The following MTA3 variants were observed in gnomAD, a reference collection of about 807,000 sequenced individuals.
MTA3 encodes metastasis associated 1 family member 3.
A neutral mutation model predicts 83.5 loss-of-function variants in MTA3; 34 were observed. The ratio of observed to expected loss-of-function variants is 0.41; its 90% CI spans 0.31 to 0.54. The LOEUF (loss-of-function observed/expected upper bound fraction) is 0.54, where lower values mean the gene tolerates loss of function less well. Ranked by LOEUF, MTA3 falls within the 20% of genes least tolerant of loss-of-function variation. MTA3 has a pLI of 0.33. For missense variants in MTA3, 761 were observed against 726.4 expected (o/e 1.05, Z -0.55); for synonymous variants, 303 against 252.7 (o/e 1.20, Z -1.89).
rs928673421 is a variant in MTA3, at chr2:42,539,493, C to G, written c.-140-30944C>G. Among the ~76,000 whole-genome samples, 8 of 151,950 alleles carry G rather than the reference C, an allele frequency of 5.3e-5. No individual in the cohort carries two copies. The East Asian group carries it at 1.4e-3, about 26-fold the overall frequency. ...TTAAATCACCTCCCACCAGGTCCCT[C>G]TCACCACATGCGGGGATTATGGGAC... On this transcript the variant is annotated intron_variant, in intron 2 of 17. Transcript: ENST00000405592.
At chr2:42,506,615 CTTATTA>C (rs869027492) in intron 2 of MTA3, among the ~76,000 whole-genome samples, 3 of 129,116 alleles carry the variant, frequency 2.3e-5, no homozygotes, top group East Asian at 2.1e-4. Flanking sequence ...AGATAATTTA[CTTATTA>C]TTATTATTTA....
At chr2:42,678,004 T>C (rs1247601706) in intron 8 of MTA3, among the ~76,000 whole-genome samples, 1 of 152,204 alleles carries the variant, frequency 6.6e-6, no homozygotes, top group East Asian at 1.9e-4. Flanking sequence ...GTATGTACAA[T>C]GGAGTTGATG....
At chr2:42,679,906 T>C (rs1691717524) in intron 8 of MTA3, among the ~76,000 whole-genome samples, 1 of 152,130 alleles carries the variant, frequency 6.6e-6, no homozygotes, top group South Asian at 2.1e-4. Flanking sequence ...TGAGTATTTA[T>C]AGATGATTCT....
chr2:42,518,968 A>AAC lies in MTA3; in HGVS notation c.-141+23775_-141+23776dup, dbSNP rs60877713. Among the ~76,000 whole-genome samples, 330 of 114,672 alleles carry AAC rather than the reference A, an allele frequency of 2.9e-3. 2 individuals carry two copies. Among genetic ancestry groups the AAC allele is most frequent in the East Asian group, 0.017 (61 of 3,538 alleles). 75.2% of individuals were successfully genotyped at this position (114,672 alleles called of 152,430 possible). On this transcript the variant is annotated intron_variant, in intron 2 of 17. Coordinates refer to the MTA3 transcript ENST00000405592. ...GTGACAGAGTGAGACCCTTTCTCAAAACACACACACACACACACACACACA... is the reference window on the plus strand; with the variant it reads ...GTGACAGAGTGAGACCCTTTCTCAAAACACACACACACACACACACACACACA...
At chr2:42,581,127 C>G (rs949432552) in intron 3 of MTA3, among the ~76,000 whole-genome samples, 1 of 152,044 alleles carries the variant, frequency 6.6e-6, no homozygotes, top group Admixed American at 6.6e-5. Context: ...AGAAAGTGTT[C>G]ATTATTTCAA....
chr2:42,537,786 T>A (rs551386491), intron 2 of MTA3, among the ~76,000 whole-genome samples: 6 of 152,188 alleles, frequency 3.9e-5, no homozygotes, highest in Non-Finnish European at 5.9e-5. Context: ...TGGATGAAAC[T>A]ATGGAATGTT....
chr2:42,730,638 G>C (rs1668172065), intron 16 of MTA3, among the ~76,000 whole-genome samples: 1 of 152,040 alleles, frequency 6.6e-6, no homozygotes, highest in South Asian at 2.1e-4. Flanking sequence ...TTTTTCGTCA[G>C]TGTTCATCAG....
chr2:42,502,339 T>C (rs77064388), intron 2 of MTA3, among the ~76,000 whole-genome samples: 2,792 of 152,210 alleles, frequency 0.018, 80 homozygotes, highest in East Asian at 0.087. Context: ...CTGAGTTCAG[T>C]TGTTAGTCCG....
rs74261720 is a variant in MTA3 at position 42,638,889 on chromosome 2, G to T, written c.318-1284G>T. On this transcript the variant is annotated intron_variant, in intron 4 of 16. Transcript: ENST00000405094. ...CCAGAAAAAGACATTTTTATAAGGG[G>T]TTTTTTTTTTTTTTAATTTAAAGAG... Among the ~76,000 whole-genome samples, 223 of 146,652 alleles carry T rather than the reference G, an allele frequency of 1.5e-3. 1 individual carries two copies. The highest frequency in any genetic ancestry group is 3.2e-3 in the African/African-American group (129 of 39,952).
At chr2:42,635,890 G>A (rs970226288) in intron 4 of MTA3, among the ~76,000 whole-genome samples, 18 of 151,918 alleles carry the variant, frequency 1.2e-4, no homozygotes, top group Middle Eastern at 3.4e-3. Flanking sequence ...CACAGCCTCC[G>A]CAGTAGCTGG....
At chr2:42,703,937 G>A (rs1241553652) in intron 11 of MTA3, 4 of 292,952 alleles carry the variant, frequency 1.4e-5, no homozygotes, top group African/African-American at 4.5e-5. Flanking sequence ...AATTGTATTC[G>A]GACCAGAAAA....
intron 4 of MTA3, among the ~76,000 whole-genome samples, chr2:42,617,705 G>A (rs1685068252): frequency 1.3e-5 from 2 of 151,950 alleles, no homozygotes; most frequent in Non-Finnish European, 2.9e-5. Flanking sequence ...GAACCCGGGA[G>A]GCGGACGTTG....
At chr2:42,587,908 T>A (rs1472261083) in intron 3 of MTA3, among the ~76,000 whole-genome samples, 1 of 152,214 alleles carries the variant, frequency 6.6e-6, no homozygotes, top group Non-Finnish European at 1.5e-5. Flanking sequence ...CCTAATGTTT[T>A]TTATGCTTGC....
At chr2:42,512,746 C>G (rs749228066) in intron 2 of MTA3, among the ~76,000 whole-genome samples, 1 of 152,146 alleles carries the variant, frequency 6.6e-6, no homozygotes, top group Non-Finnish European at 1.5e-5. Context: ...AACACTCAAC[C>G]ACTGTACCAG....
intron 4 of MTA3, among the ~76,000 whole-genome samples, chr2:42,632,266 A>T (rs1686754923): frequency 6.6e-6 from 1 of 151,280 alleles, no homozygotes; most frequent in Non-Finnish European, 1.5e-5. Context: ...AATTTTTTGT[A>T]TTTTTAGTAG....
At chr2:42,529,512 T>A (rs910311031) in intron 2 of MTA3, among the ~76,000 whole-genome samples, 1 of 152,232 alleles carries the variant, frequency 6.6e-6, no homozygotes, top group Admixed American at 6.5e-5. Flanking sequence ...CCTTGTCCTG[T>A]ACCCTCGTTT....
chr2:42,684,286 T>G (rs1692186436), intron 9 of MTA3, among the ~76,000 whole-genome samples: 1 of 152,242 alleles, frequency 6.6e-6, no homozygotes, highest in South Asian at 2.1e-4. Flanking sequence ...ATTACGTATT[T>G]GATGTGAGCC....
chr2:42,527,984 GT>G (rs1286912191), intron 2 of MTA3, among the ~76,000 whole-genome samples: 3 of 152,114 alleles, frequency 2.0e-5, no homozygotes, highest in African/African-American at 7.2e-5. Context: ...CAGTACAGTG[GT>G]GCAATCTCAG....
chr2:42,537,484 G>C (rs1459925674), intron 2 of MTA3, among the ~76,000 whole-genome samples: 3 of 151,948 alleles, frequency 2.0e-5, no homozygotes, highest in Non-Finnish European at 4.4e-5. Flanking sequence ...AGAATCGCTT[G>C]AACCCGGGAA....
Sources: gnomAD v4.1 joint callset for allele counts (sites outside exome capture counted in the v4.1 genomes callset) on GRCh38, gnomAD v4.1.1 for gene constraint, MANE v1.5 for transcripts, NCBI Gene and HGNC (gene_info 2026-07-23, HGNC 2026-07-21) for gene names.